The following PSMA7 variants were observed in gnomAD, a reference collection of about 807,000 sequenced individuals.
PSMA7 encodes the protein proteasome subunit alpha type-7.
A neutral mutation model predicts 31.3 loss-of-function variants in PSMA7; 5 were observed. The observed-to-expected ratio is 0.16, with a 90% CI of 0.08 to 0.34. PSMA7 has a LOEUF of 0.34. Ranked by LOEUF, PSMA7 falls within the 10% of genes least tolerant of loss-of-function variation. The pLI, the probability that PSMA7 is intolerant of heterozygous loss-of-function variation, is 1.00. For synonymous variants in PSMA7, 155 were observed against 121.9 expected, an observed-to-expected ratio of 1.27 and a Z score of -1.79; for missense variants, 217 against 327.5, an observed-to-expected ratio of 0.66 and a Z score of 2.60.
At chr20:62,142,334 G>A (rs957730197) in intron 1 of PSMA7, 1 of 152,224 alleles carries the variant, frequency 6.6e-6, no homozygotes, top group African/African-American at 2.4e-5. Context: ...ATCACCTGAT[G>A]AATACTGGGC....
intron 5 of PSMA7, 70 bp downstream of exon 5, chr20:62,138,101 A>G: frequency 6.2e-7 from 1 of 1,605,406 alleles, no homozygotes; most frequent in South Asian, 1.1e-5. Context: ...CTTCCTGCTC[A>G]TCTACCTACC....
intron 6 of PSMA7, 40 bp from the exon 7 acceptor site, chr20:62,136,989 G>T: frequency 6.3e-7 from 1 of 1,587,780 alleles, no homozygotes; most frequent in South Asian, 1.2e-5. Context: ...GCCACACAAG[G>T]TGCCAAGGAA....
chr20:62,140,976 A>C (rs1379946509), intron 1 of PSMA7, 32 bp from the exon 2 acceptor site: 1 of 1,612,418 alleles, frequency 6.2e-7, no homozygotes, highest in African/African-American at 1.3e-5. Context: ...CACGTAAGAA[A>C]GTGATATGAG....
chr20:62,142,078 G>C (rs1352542928), intron 1 of PSMA7, among the ~76,000 whole-genome samples: 1 of 152,208 alleles, frequency 6.6e-6, no homozygotes, highest in Non-Finnish European at 1.5e-5. Context: ...CACTGGAAAA[G>C]TCTCCACACA....
At chr20:62,141,373 T>C (rs1181362897) in intron 1 of PSMA7, among the ~76,000 whole-genome samples, 1 of 152,202 alleles carries the variant, frequency 6.6e-6, no homozygotes, top group African/African-American at 2.4e-5. Flanking sequence ...CAGCTCCCAC[T>C]GGAAGGTGCG....
At chr20:62,138,360 T>C in intron 4 of PSMA7, 70 bp from the exon 5 acceptor site, 1 of 1,519,626 alleles carries the variant, frequency 6.6e-7, no homozygotes, top group South Asian at 1.3e-5. Flanking sequence ...GGAACACAGC[T>C]GCCCTACATG....
In PSMA7 at chr20:62,136,789, G is replaced by C; in HGVS notation, c.*68C>G. The C allele has an allele frequency of 3.3e-6, 5 of 1,538,264 alleles. No homozygotes were observed. The highest frequency in any genetic ancestry group is 4.4e-6 in the Non-Finnish European group (5 of 1,147,596). ...CAGTGTGAATAAATGGAATGGAAAG[G>C]CCTACACATCGAGACTCATCCATGA... On this transcript the variant is annotated 3_prime_UTR_variant, in exon 7 of 7. Transcript: ENST00000370873.
chr20:62,140,792 A>C (rs1343969362), intron 2 of PSMA7, 26 bp downstream of exon 2: 25 of 1,613,342 alleles, frequency 1.5e-5, no homozygotes, highest in Middle Eastern at 1.6e-4. Context: ...CTAGAGAGTA[A>C]GACAGCGCTC....
chr20:62,137,290 G>T, intron 6 of PSMA7, 74 bp downstream of exon 6: 2 of 1,460,572 alleles, frequency 1.4e-6, no homozygotes, highest in Non-Finnish European at 1.9e-6. Context: ...TGTTTCCTTC[G>T]GAACTGGTAC....
rs993235693 is a variant in PSMA7 at position 62,137,528 on chromosome 20, C to T, written c.592-102G>A. The T allele has an allele frequency of 4.1e-5, 45 of 1,109,884 alleles. No individual in the cohort carries two copies. The East Asian group carries it at 6.1e-4, about 15-fold the overall frequency. 68.8% of individuals were successfully genotyped at this position (1,109,884 alleles called of 1,614,324 possible). A position where few individuals can be genotyped will look rare whatever the true frequency, so the allele number is the denominator to read the frequency against. On this transcript the variant is annotated intron_variant, in intron 5 of 6. Transcript: ENST00000370873. Reference sequence around the variant, plus strand: ...ATAGGTGTGTACCCAAACCCAGCACCGTCCCAGGAACAGAGGTCCCAGCCC... The same window carrying T: ...ATAGGTGTGTACCCAAACCCAGCACTGTCCCAGGAACAGAGGTCCCAGCCC...
Position 62,136,857 on chromosome 20 carries a change from T to C in PSMA7, c.747A>G (p.Ter249TrpextTer1), listed in dbSNP as rs2056896833. 11 of 1,597,676 alleles carry C rather than the reference T, an allele frequency of 6.9e-6. No individual in the cohort carries two copies. Among genetic ancestry groups the C allele is most frequent in the Non-Finnish European group, 9.4e-6 (11 of 1,174,918 alleles). Residue 249 changes from the stop codon to tryptophan, a stop_lost, in exon 7 of 7, where the codon TGA becomes TGG. Transcript: ENST00000370873. Reference sequence around the variant, plus strand: ...ATTACAAGCAAAGACATTTTATTCATCATGATGCTTTCTTTTGTTTCTTCT... The same window carrying C: ...ATTACAAGCAAAGACATTTTATTCACCATGATGCTTTCTTTTGTTTCTTCT... ...NEKKKQKKAS[*>W] is the part of the protein sequence containing the mutation.
chr20:62,137,488 T>G, intron 5 of PSMA7, 62 bp from the exon 6 acceptor site: 4 of 1,518,110 alleles, frequency 2.6e-6, no homozygotes, highest in Non-Finnish European at 3.7e-6. Flanking sequence ...AAAGCAGCTC[T>G]CAGGAGTACC....
chr20:62,139,899 G>A lies in PSMA7; in HGVS notation c.230C>T (p.Thr77Ile), dbSNP rs769548009. 6.2e-7 allele frequency: 1 copy of A among 1,613,534 alleles called. No homozygotes were observed. The highest frequency in any genetic ancestry group is 8.5e-7 in the Non-Finnish European group (1 of 1,179,966). ...GTTGATGACTATCCTTGCATCGGCG[G>A]TGAGGCCTGCAAGGAAAGCAGAGAG... ...DNVCMAFAGLTADARIVINRA... is the reference protein window; with the variant it reads ...DNVCMAFAGLIADARIVINRA... Residue 77 changes from threonine (T) to isoleucine (I), a missense_variant, in exon 3 of 7, where the codon ACC becomes ATC. Physicochemically the swap from Thr to Ile is moderately conservative, Grantham distance 89. Around this residue, in one of 3 missense-constraint regions of PSMA7, gnomAD observed 53 missense variants for 119.4 expected, o/e 0.44. Coordinates refer to ENST00000370873, the MANE Select transcript of PSMA7 (RefSeq NM_002792.4).
chr20:62,137,510 T>C (rs950165170), intron 5 of PSMA7, 84 bp from the exon 6 acceptor site: 1 of 1,326,294 alleles, frequency 7.5e-7, no homozygotes, highest in Non-Finnish European at 1.1e-6. Context: ...TAAATAGGTG[T>C]GTACCCAAAC....
At chr20:62,141,305 C>T (rs1336808113) in intron 1 of PSMA7, among the ~76,000 whole-genome samples, 1 of 152,166 alleles carries the variant, frequency 6.6e-6, no homozygotes, top group Non-Finnish European at 1.5e-5. Context: ...TACTGCCAGG[C>T]AGCGAGCAGT....
chr20:62,138,384 G>GT, intron 4 of PSMA7, 94 bp from the exon 5 acceptor site: 1 of 1,478,048 alleles, frequency 6.8e-7, no homozygotes, highest in Non-Finnish European at 9.0e-7. Flanking sequence ...CGCCCAGCCA[G>GT]TGGCAGTGGC....
chr20:62,141,421 T>C (rs1274941021), intron 1 of PSMA7, among the ~76,000 whole-genome samples: 2 of 152,260 alleles, frequency 1.3e-5, no homozygotes, highest in East Asian at 3.8e-4. Context: ...TGTCTGTCAC[T>C]GTGGCTGGCA....
At chr20:62,139,253 A>T in intron 3 of PSMA7, 56 bp from the exon 4 acceptor site, 1 of 1,590,744 alleles carries the variant, frequency 6.3e-7, no homozygotes, top group Non-Finnish European at 8.6e-7. Flanking sequence ...CATGTGAGGA[A>T]AGAACCGTAC....
At position 62,139,168 on chromosome 20, in the gene PSMA7, C is replaced by T. The variant is rs139863619; in HGVS notation, c.378G>A (p.Pro126=). ...QRYTQSNGRR[P]FGISALIVGF... ...CCACGATGAGGGCAGAGATGCCAAA[C>T]GGCCTGCGCCCATTGCTCTGCGTAT... The change falls in exon 4 of 7, where the codon CCG becomes CCA. Residue 126 remains proline (P), a synonymous_variant. Coordinates refer to ENST00000370873, the MANE Select transcript of PSMA7 (RefSeq NM_002792.4). 1.7e-4 allele frequency: 268 copies of T among 1,614,182 alleles called. No individual in the cohort carries two copies. Among genetic ancestry groups the T allele is most frequent in the Non-Finnish European group, 2.2e-4 (259 of 1,180,004 alleles).
Sources: allele counts gnomAD v4.1 joint callset (sites outside exome capture counted in the v4.1 genomes callset), GRCh38; gene constraint gnomAD v4.1.1; regional missense constraint gnomAD v4.1.1; transcripts MANE v1.5; gene names NCBI Gene and HGNC (gene_info 2026-07-23, HGNC 2026-07-21).